The following CMIP variants were observed in gnomAD, a reference collection of about 807,000 sequenced individuals.
CMIP encodes C-Maf-inducing protein.
In CMIP, 13 loss-of-function variants were observed where a neutral mutation model predicts 97.3. That is an observed-to-expected ratio of 0.13 (90% CI 0.09 to 0.21). The LOEUF is 0.21. Ranked by LOEUF, CMIP falls within the 10% of genes least tolerant of loss-of-function variation. The pLI is 1.00. For synonymous variants in CMIP, 538 were observed against 436.3 expected, an observed-to-expected ratio of 1.23 and a Z score of -2.91; for missense variants, 847 against 1,024.9, an observed-to-expected ratio of 0.83 and a Z score of 2.37.
intron 1 of CMIP, among the ~76,000 whole-genome samples, chr16:81,507,062 C>G (rs931826670): frequency 6.6e-6 from 1 of 152,090 alleles, no homozygotes; most frequent in Non-Finnish European, 1.5e-5. Flanking sequence ...ACCATCCTGG[C>G]TAACATGGTG....
Position 81,580,278 on chromosome 16 carries a change from G to A in CMIP, c.301-27289G>A, listed in dbSNP as rs1298914113. ...GAATCAGAGAAGCGAGGTGCCCTAT[G>A]TCTCCCGGCTCTGGAGCCTGTTTGT... is the stretch of plus-strand genomic sequence containing the variant. On this transcript the variant is annotated intron_variant, in intron 1 of 20. Transcript: ENST00000537098. 2.0e-5 allele frequency among the ~76,000 whole-genome samples: 3 copies of A among 152,316 alleles called. No homozygotes were observed. In the East Asian group the frequency reaches 5.8e-4, roughly 29 times the overall value.
At position 81,614,430 on chromosome 16, in the gene CMIP, C is replaced by G. The variant is rs1023444712; in HGVS notation, c.427-6446C>G. On this transcript the variant is annotated intron_variant, in intron 2 of 20. Coordinates refer to ENST00000537098, the MANE Select transcript of CMIP (RefSeq NM_198390.3). This position sits in a 1 kb window ranked among gnomAD's most constrained non-coding sequence, Gnocchi z 5.3. ...GGGTCACTTCAGCATGACATCAGCT[C>G]GTTGCATTGGCCTGTGTGCTTGCCA... Among the ~76,000 whole-genome samples, 1 of 152,140 alleles carries G rather than the reference C, an allele frequency of 6.6e-6. No homozygotes were observed. Among genetic ancestry groups the G allele is most frequent in the Non-Finnish European group, 1.5e-5 (1 of 68,024 alleles).
At position 81,576,848 on chromosome 16, in the gene CMIP, G is replaced by C. The variant is rs117684881; in HGVS notation, c.301-30719G>C. ...GTGTTCTCATCTGTAAAATGGAAGT[G>C]TCAGAGCAGGTATTAAATTTGGTGA... On this transcript the variant is annotated intron_variant, in intron 1 of 20. Transcript: ENST00000537098. Among the ~76,000 whole-genome samples the C allele has an allele frequency of 2.5e-4, 38 of 152,230 alleles. 1 individual carries two copies. In the East Asian group the frequency reaches 7.3e-3, roughly 29 times the overall value.
intron 1 of CMIP, among the ~76,000 whole-genome samples, chr16:81,552,374 C>G (rs1042009849): frequency 6.6e-6 from 1 of 152,174 alleles, no homozygotes; most frequent in Non-Finnish European, 1.5e-5. Context: ...CCACACAGAT[C>G]AATCATCTTA....
intron 1 of CMIP, among the ~76,000 whole-genome samples, chr16:81,458,865 T>G (rs1486453171): frequency 6.6e-6 from 1 of 152,130 alleles, no homozygotes; most frequent in Non-Finnish European, 1.5e-5. Context: ...ATTCTGAGAA[T>G]AAAGGAGAGA....
chr16:81,660,764 A>G, intron 5 of CMIP, 120 bp from the exon 6 acceptor site: 2 of 1,025,576 alleles, frequency 2.0e-6, no homozygotes, highest in Non-Finnish European at 3.1e-6. Context: ...GAATGATGTG[A>G]TGCAGGATGT....
In CMIP at chr16:81,614,151, G is replaced by T. The variant is rs1469068800; in HGVS notation, c.426+6459G>T. Among the ~76,000 whole-genome samples, 1 of 152,172 alleles carries T rather than the reference G, an allele frequency of 6.6e-6. No individual in the cohort carries two copies. The highest frequency in any genetic ancestry group is 6.5e-5 in the Admixed American group (1 of 15,278). Reference sequence around the variant, plus strand: ...CAGGAGGGACCTGAAGTGTAAGTAGGAGTCCAGCGGGCAGCGGAGAGAAGG... The same window carrying T: ...CAGGAGGGACCTGAAGTGTAAGTAGTAGTCCAGCGGGCAGCGGAGAGAAGG... On this transcript the variant is annotated intron_variant, in intron 2 of 20. Transcript: ENST00000537098. The surrounding 1 kb of genome is among the most constrained non-coding windows in gnomAD (Gnocchi z 5.3).
chr16:81,657,935 C>G, intron 5 of CMIP, 119 bp downstream of exon 5: 1 of 811,820 alleles, frequency 1.2e-6, no homozygotes, highest in East Asian at 2.8e-5. Context: ...GGCCTTGCTC[C>G]GTTTTGTCTT....
chr16:81,500,256 G>GTCCTTCCTTCCTTCCTTCCTTCCTTCCT (rs879827008), intron 1 of CMIP, among the ~76,000 whole-genome samples: 2 of 109,684 alleles, frequency 1.8e-5, no homozygotes, highest in East Asian at 7.8e-4. Context: ...CCTTCCTTCC[G>GTCCTTCCTTCCTTCCTTCCTTCCTTCCT]TCCTTCCTTC....
chr16:81,695,160 C>T lies in CMIP; in HGVS notation c.1531-1400C>T, dbSNP rs567097666. Among the ~76,000 whole-genome samples, 102 of 152,354 alleles carry T rather than the reference C, an allele frequency of 6.7e-4. 1 individual carries two copies. In the South Asian group the frequency reaches 0.02, roughly 30 times the overall value. On this transcript the variant is annotated intron_variant, in intron 13 of 20. Transcript: ENST00000537098. ...TGCCGGTCTGGAAGGAGCCAGCTCC[C>T]CTGGCCAAGGTCCCACACCCAGGCC...
chr16:81,684,009 C>A (rs1235787091), intron 10 of CMIP, among the ~76,000 whole-genome samples: 1 of 152,142 alleles, frequency 6.6e-6, no homozygotes, highest in Non-Finnish European at 1.5e-5. Flanking sequence ...GATCTGCCCA[C>A]CTCAGCCTCC....
chr16:81,593,153 A>ACGTC (rs2091492041), intron 1 of CMIP, among the ~76,000 whole-genome samples: 1 of 152,198 alleles, frequency 6.6e-6, no homozygotes, highest in Non-Finnish European at 1.5e-5. Flanking sequence ...TAATGAGCCC[A>ACGTC]CGTCCTGCCT....
At chr16:81,574,265 C>T (rs1487471808) in intron 1 of CMIP, among the ~76,000 whole-genome samples, 1 of 152,192 alleles carries the variant, frequency 6.6e-6, no homozygotes, top group Non-Finnish European at 1.5e-5. Flanking sequence ...CTGATAACCC[C>T]ACGGCCCCCT....
chr16:81,468,890 G>T (rs555971267), intron 1 of CMIP, among the ~76,000 whole-genome samples: 1 of 152,340 alleles, frequency 6.6e-6, no homozygotes, highest in African/African-American at 2.4e-5. Context: ...GAGTGGGCTG[G>T]GGGCTGGTGG....
At chr16:81,493,519 T>A (rs1027781026) in intron 1 of CMIP, among the ~76,000 whole-genome samples, 3 of 152,256 alleles carry the variant, frequency 2.0e-5, no homozygotes, top group African/African-American at 7.2e-5. Context: ...CTCAAGGGGC[T>A]GTCCTCTTTA....
intron 1 of CMIP, among the ~76,000 whole-genome samples, chr16:81,479,855 A>T (rs145371556): frequency 1.3e-5 from 2 of 152,298 alleles, no homozygotes; most frequent in African/African-American, 2.4e-5. Context: ...ATTTGCATAT[A>T]TTAGGCCCTC....
chr16:81,534,109 T>C (rs920598132), intron 1 of CMIP: 10 of 152,240 alleles, frequency 6.6e-5, no homozygotes, highest in African/African-American at 2.4e-4. Flanking sequence ...CCACACTGGT[T>C]CCTGCACCCG....
At chr16:81,690,094 C>G (rs780519167) in intron 10 of CMIP, among the ~76,000 whole-genome samples, 5 of 152,136 alleles carry the variant, frequency 3.3e-5, no homozygotes. Flanking sequence ...AGCGTGATGC[C>G]TCTAGCTTTG....
chr16:81,702,584 G>A (rs1425468484), intron 16 of CMIP, 38 bp from the exon 17 acceptor site: 2 of 1,603,168 alleles, frequency 1.2e-6, no homozygotes, highest in East Asian at 2.2e-5. Flanking sequence ...GAAACTTGGG[G>A]AAAAGAATGG....
Sources: gnomAD v4.1 joint callset for allele counts (sites outside exome capture counted in the v4.1 genomes callset) on GRCh38, gnomAD v4.1.1 for gene constraint, Gnocchi (gnomAD v3.1) non-coding constraint, MANE v1.5 for transcripts, NCBI Gene and HGNC (gene_info 2026-07-23, HGNC 2026-07-21) for gene names.